Variants in PTPRT observed in about 807,000 individuals in gnomAD.
The protein encoded by PTPRT is protein tyrosine phosphatase receptor type T.
A neutral mutation model predicts 176.8 loss-of-function variants in PTPRT; 56 were observed. That is an observed-to-expected ratio of 0.32 (90% confidence interval 0.26 to 0.40). The LOEUF is 0.40. Among genes scored for constraint, PTPRT ranks in the 10% least tolerant of loss-of-function variants. PTPRT has a pLI of 1.00. For synonymous variants in PTPRT, 783 were observed against 739.0 expected (o/e 1.06, Z -0.96); for missense variants, 1,540 against 1,908.2 (o/e 0.81, Z 3.60).
chr20:42,212,829 A>C (rs1718573616), intron 15 of PTPRT, among the ~76,000 whole-genome samples: 1 of 152,240 alleles, frequency 6.6e-6, no homozygotes, highest in African/African-American at 2.4e-5. Context: ...CTCATTATTT[A>C]TTAAATATGA....
intron 1 of PTPRT, among the ~76,000 whole-genome samples, chr20:42,935,920 G>C (rs905063002): frequency 2.6e-5 from 4 of 152,122 alleles, no homozygotes; most frequent in Non-Finnish European, 2.9e-5. Flanking sequence ...AGCTAATTCT[G>C]TATTTTTAAT....
chr20:43,020,129 CAT>C (rs1340683835), intron 1 of PTPRT, among the ~76,000 whole-genome samples: 1 of 130,178 alleles, frequency 7.7e-6, no homozygotes, highest in Non-Finnish European at 1.5e-5. Flanking sequence ...TATATATATA[CAT>C]ATGCATGTGT....
chr20:42,932,942 C>A (rs1392471645), intron 1 of PTPRT, among the ~76,000 whole-genome samples: 2 of 152,164 alleles, frequency 1.3e-5, no homozygotes, highest in African/African-American at 2.4e-5. Flanking sequence ...CATTGGTCAG[C>A]CTGCCCTCAT....
rs1368569749 is a variant in PTPRT, at chr20:42,619,709, G to A, written c.1153+58157C>T. Among the ~76,000 whole-genome samples the A allele has an allele frequency of 4.4e-5, 6 of 135,668 alleles. 1 individual carries two copies. Among genetic ancestry groups the A allele is most frequent in the South Asian group, 2.3e-4 (1 of 4,432 alleles). 89.0% of individuals were successfully genotyped at this position (135,668 alleles called of 152,430 possible). A position where few individuals can be genotyped will look rare whatever the true frequency, so the allele number is the denominator to read the frequency against. ...ATTCATTTCATCTTTCATTGCTGATGCCCTTTCTTCCAGTTGATCACATCG... is the reference window on the plus strand; with the variant it reads ...ATTCATTTCATCTTTCATTGCTGATACCCTTTCTTCCAGTTGATCACATCG... On this transcript the variant is annotated intron_variant, in intron 7 of 30. Transcript: ENST00000373187.
rs533393117 is a variant in PTPRT at position 42,950,642 on chromosome 20, A to G, written c.89-64710T>C. 2.0e-5 allele frequency among the ~76,000 whole-genome samples: 3 copies of G among 152,316 alleles called. No homozygotes were observed. In the East Asian group the frequency reaches 5.8e-4, roughly 29 times the overall value. On this transcript the variant is annotated intron_variant, in intron 1 of 30. Transcript: ENST00000373187. ...GGAGTCACTACAGAGGAGGCACCAC[A>G]GCCTTCCACCTAGACATTATAAAAA... is the stretch of plus-strand genomic sequence containing the variant.
intron 9 of PTPRT, among the ~76,000 whole-genome samples, chr20:42,401,336 A>G (rs2058905331): frequency 6.6e-6 from 1 of 152,012 alleles, no homozygotes; most frequent in Non-Finnish European, 1.5e-5. Flanking sequence ...AACTCAAGAC[A>G]ATGTTTAACG....
chr20:42,492,472 T>C (rs1042553306), intron 7 of PTPRT, among the ~76,000 whole-genome samples: 4 of 152,162 alleles, frequency 2.6e-5, no homozygotes, highest in Non-Finnish European at 5.9e-5. Context: ...TGTTCCTTTT[T>C]TTTGCCATCT....
chr20:42,562,732 A>G (rs1410075608), intron 7 of PTPRT, among the ~76,000 whole-genome samples: 1 of 152,278 alleles, frequency 6.6e-6, no homozygotes, highest in East Asian at 1.9e-4. Flanking sequence ...CATGGAGTCC[A>G]TCACCCTCAT....
intron 16 of PTPRT, among the ~76,000 whole-genome samples, chr20:42,185,986 C>T (rs1189472908): frequency 3.3e-5 from 5 of 151,930 alleles, no homozygotes; most frequent in African/African-American, 9.7e-5. Context: ...ATTTGCAAAC[C>T]GCAGTTGTTG....
chr20:42,109,253 GATGTGATA>G (rs1986802988), intron 23 of PTPRT, among the ~76,000 whole-genome samples: 1 of 151,770 alleles, frequency 6.6e-6, no homozygotes, highest in Admixed American at 6.6e-5. Flanking sequence ...CCAGGGCAGG[GATGTGATA>G]ACTCAAGCAT....
intron 7 of PTPRT, among the ~76,000 whole-genome samples, chr20:42,552,425 A>G (rs1477664156): frequency 6.6e-6 from 1 of 152,156 alleles, no homozygotes; most frequent in East Asian, 1.9e-4. Context: ...ATAATGGGTT[A>G]AGTGTGTGAA....
At chr20:43,084,582 G>T (rs924390145) in intron 1 of PTPRT, among the ~76,000 whole-genome samples, 2 of 152,152 alleles carry the variant, frequency 1.3e-5, no homozygotes, top group African/African-American at 2.4e-5. Context: ...AACATGTGCG[G>T]ATTACAATTC....
At chr20:42,348,914 G>C (rs937918441) in intron 11 of PTPRT, among the ~76,000 whole-genome samples, 1 of 152,064 alleles carries the variant, frequency 6.6e-6, no homozygotes, top group Non-Finnish European at 1.5e-5. Flanking sequence ...TGAGTCTTAC[G>C]ATATATAAGC....
In PTPRT at chr20:42,403,665, T is replaced by C. The variant is rs1600965714; in HGVS notation, c.1560+44555A>G. On this transcript the variant is annotated intron_variant, in intron 9 of 30. Transcript: ENST00000373187. ...TGGGCAACAGGGACCAAAACCCTCT[T>C]CAATGACCAGATCTGTAGACAAAGT... is the stretch of plus-strand genomic sequence containing the variant. Among the ~76,000 whole-genome samples, 3 of 152,258 alleles carry C rather than the reference T, an allele frequency of 2.0e-5. No homozygotes were observed. The East Asian group carries it at 5.8e-4, about 29-fold the overall frequency.
chr20:42,675,803 C>T (rs1437146288), intron 7 of PTPRT, among the ~76,000 whole-genome samples: 1 of 152,124 alleles, frequency 6.6e-6, no homozygotes, highest in Non-Finnish European at 1.5e-5. Context: ...ATTTTATTTT[C>T]TTAGGTGAGA....
intron 1 of PTPRT, among the ~76,000 whole-genome samples, chr20:43,057,630 T>A (rs1444238592): frequency 6.6e-6 from 1 of 152,214 alleles, no homozygotes; most frequent in Non-Finnish European, 1.5e-5. Flanking sequence ...GCTGGGTGAA[T>A]GGTACAAGGA....
intron 27 of PTPRT, among the ~76,000 whole-genome samples, chr20:42,096,197 G>T (rs1240135845): frequency 6.6e-6 from 1 of 152,120 alleles, no homozygotes; most frequent in African/African-American, 2.4e-5. Flanking sequence ...CTCCTCCCCG[G>T]TCTCCTGGTT....
intron 1 of PTPRT, among the ~76,000 whole-genome samples, chr20:43,091,091 G>A (rs989085933): frequency 7.2e-5 from 11 of 152,114 alleles, no homozygotes; most frequent in Admixed American, 1.3e-4. Context: ...ATAAGTAGCC[G>A]ATGTGGTGGC....
At chr20:42,081,264 G>A (rs1172056821) in intron 30 of PTPRT, among the ~76,000 whole-genome samples, 5 of 152,186 alleles carry the variant, frequency 3.3e-5, no homozygotes, top group African/African-American at 1.2e-4. Flanking sequence ...TAAATCTGGA[G>A]TGGGGCTCAA....
Sources: gnomAD v4.1 joint callset for allele counts (sites outside exome capture counted in the v4.1 genomes callset) on GRCh38, gnomAD v4.1.1 for gene constraint, MANE v1.5 for transcripts, NCBI Gene and HGNC (gene_info 2026-07-23, HGNC 2026-07-21) for gene names.